The following ACIN1 variants were observed in gnomAD, a reference collection of about 807,000 sequenced individuals.
ACIN1 encodes apoptotic chromatin condensation inducer in the nucleus.
In ACIN1, 16 loss-of-function variants were observed where a neutral mutation model predicts 146.6. That is an observed-to-expected ratio of 0.11 (90% CI 0.07 to 0.17). The LOEUF is 0.17. ACIN1 is among the 10% of genes least tolerant of loss of function. The pLI is 1.00. For missense variants in ACIN1, 1,357 were observed against 1,609.3 expected (o/e 0.84, Z 2.68); for synonymous variants, 569 against 582.7 (o/e 0.98, Z 0.34).
intron 18 of ACIN1, among the ~76,000 whole-genome samples, chr14:23,060,232 G>A (rs540035429): frequency 4.6e-5 from 7 of 152,034 alleles, no homozygotes; most frequent in African/African-American, 1.7e-4. Context: ...GCCTCCCAAA[G>A]TGCTGGGATT....
chr14:23,079,572 C>CAA lies in ACIN1; in HGVS notation c.1762_1763insTT (p.Arg588LeufsTer12). ...TTTTCTGCTGTTGCTTGATGCTGAA[C>CAA]GAGAACGTGAACGTGACCTTGATCT... On this transcript the variant is annotated frameshift_variant, in exon 6 of 19. Transcript: ENST00000605057. LOFTEE classifies it high-confidence loss of function. 3 of 1,584,542 alleles carry CAA rather than the reference C, an allele frequency of 1.9e-6. No homozygotes were observed. Among genetic ancestry groups the CAA allele is most frequent in the African/African-American group, 1.7e-5 (1 of 59,876 alleles).
intron 4 of ACIN1, among the ~76,000 whole-genome samples, chr14:23,088,807 T>A (rs1377215613): frequency 6.6e-6 from 1 of 152,212 alleles, no homozygotes; most frequent in Non-Finnish European, 1.5e-5. Context: ...ATTTGCATTA[T>A]ACTTTCTGAT....
intron 8 of ACIN1, among the ~76,000 whole-genome samples, chr14:23,077,644 A>C (rs11851254): frequency 0.023 from 3,471 of 152,272 alleles, 143 homozygotes; most frequent in African/African-American, 0.078. Flanking sequence ...GGAACTTCAT[A>C]ATTTGCTGTA....
Position 23,080,490 on chromosome 14 carries a change from A to T in ACIN1, c.845T>A (p.Phe282Tyr). The T allele has an allele frequency of 6.2e-7, 1 of 1,613,480 alleles. No individual in the cohort carries two copies. The highest frequency in any genetic ancestry group is 8.5e-7 in the Non-Finnish European group (1 of 1,179,898). ...TCTAGCCTCTTCCTGGGATCTTGTAAATCTCCCTCCTCTCTCTAACACCTC... is the reference window on the plus strand; with the variant it reads ...TCTAGCCTCTTCCTGGGATCTTGTATATCTCCCTCCTCTCTCTAACACCTC... The part of the protein sequence containing the change: ...EQEVLERGGR[F>Y]TRSQEEARKS... Residue 282 changes from phenylalanine (F) to tyrosine (Y), a missense_variant, in exon 6 of 19, where the codon TTT (phenylalanine) becomes TAT (tyrosine). This residue lies in a region of ACIN1 where 771 missense variants were observed against 746.6 expected (regional missense o/e 1.03). Transcript: ENST00000605057.
intron 8 of ACIN1, chr14:23,071,390 A>G: frequency 1.3e-6 from 2 of 1,550,070 alleles, no homozygotes; most frequent in Admixed American, 2.0e-5. Flanking sequence ...AGGCTAAAAC[A>G]GATCTGGCTT....
intron 8 of ACIN1, among the ~76,000 whole-genome samples, chr14:23,070,494 C>T (rs545352219): frequency 6.6e-6 from 1 of 152,200 alleles, no homozygotes; most frequent in South Asian, 2.1e-4. Flanking sequence ...CCCAAGAACA[C>T]CAAACCCACT....
At chr14:23,092,216 C>CA in intron 2 of ACIN1, among the ~76,000 whole-genome samples, 1 of 151,462 alleles carries the variant, frequency 6.6e-6, no homozygotes, top group East Asian at 1.9e-4. Context: ...ACTGAAAAAG[C>CA]AAAAAAACCT....
intron 1 of ACIN1, among the ~76,000 whole-genome samples, chr14:23,094,023 CAAATTTATA>C (rs1211647907): frequency 6.3e-5 from 5 of 79,314 alleles, no homozygotes; most frequent in Middle Eastern, 7.5e-3. Context: ...CTAGATTTAT[CAAATTTATA>C]AAATTTTCAA....
chr14:23,075,128 G>T (rs1235689341), intron 8 of ACIN1, among the ~76,000 whole-genome samples: 1 of 152,018 alleles, frequency 6.6e-6, no homozygotes, highest in Non-Finnish European at 1.5e-5. Flanking sequence ...CCATCATATT[G>T]GCTTAAGGAA....
At chr14:23,088,525 G>T (rs903381911) in intron 4 of ACIN1, among the ~76,000 whole-genome samples, 3 of 152,146 alleles carry the variant, frequency 2.0e-5, no homozygotes, top group African/African-American at 7.2e-5. Context: ...TCCATGAAGA[G>T]TCTATCGCTG....
chr14:23,059,504 G>C, intron 18 of ACIN1, 30 bp from the exon 19 acceptor site: 1 of 1,579,908 alleles, frequency 6.3e-7, no homozygotes, highest in Non-Finnish European at 8.7e-7. Flanking sequence ...GCAGAGAATA[G>C]GCAGCTCAGT....
chr14:23,071,267 C>G, intron 8 of ACIN1: 2 of 1,506,282 alleles, frequency 1.3e-6, no homozygotes, highest in Non-Finnish European at 1.8e-6. Context: ...TTCCTTGTTC[C>G]AAGATCCCAC....
Position 23,079,745 on chromosome 14 carries a change from A to C in ACIN1, c.1590T>G (p.Ser530Arg), listed in dbSNP as rs1044735306. The C allele has an allele frequency of 6.2e-7, 1 of 1,614,056 alleles. No homozygotes were observed. Among genetic ancestry groups the C allele is most frequent in the African/African-American group, 1.3e-5 (1 of 74,912 alleles). Residue 530 changes from serine to arginine, a missense_variant, in exon 6 of 19, where the codon AGT (serine) becomes AGG (arginine). Physicochemically the swap from Ser to Arg is moderately radical, Grantham distance 110. Coordinates refer to ENST00000605057, the MANE Select transcript of ACIN1 (RefSeq NM_001386863.1). ...CAGGAGAGCGAGATCTTGATCTAGA[A>C]CTGGAGGAGGAAGATGAGGAGGACC... ...SSRSSSSSSS[S>R]SRSRSRSPDS...
At chr14:23,078,315 T>A (rs2047853106) in intron 7 of ACIN1, 49 bp from the exon 8 acceptor site, 2 of 1,557,212 alleles carry the variant, frequency 1.3e-6, no homozygotes, top group Non-Finnish European at 1.8e-6. Context: ...TAGATCTGCT[T>A]GGTTCCTTTT....
upstream of ACIN1, chr14:23,095,559 C>T (rs1283230502): frequency 6.4e-6 from 3 of 465,990 alleles, no homozygotes; most frequent in African/African-American, 3.9e-5. Context: ...GAAGCTGCCG[C>T]AGTAGTTGGA....
intron 10 of ACIN1, among the ~76,000 whole-genome samples, 155 bp downstream of exon 10, chr14:23,065,811 C>T (rs1364272479): frequency 6.6e-6 from 1 of 152,084 alleles, no homozygotes; most frequent in Non-Finnish European, 1.5e-5. Flanking sequence ...CAAAATGAAA[C>T]CCTACATAGG....
intron 4 of ACIN1, 34 bp from the exon 5 acceptor site, chr14:23,081,870 GA>G: frequency 6.4e-7 from 1 of 1,551,590 alleles, no homozygotes; most frequent in South Asian, 1.1e-5. Flanking sequence ...TCAGATTCAT[GA>G]AGTGAAGACT....
chr14:23,069,431 G>A lies in ACIN1; in HGVS notation c.2265+45C>T, dbSNP rs771895747. 4.4e-6 allele frequency: 7 copies of A among 1,597,228 alleles called. No individual in the cohort carries two copies. The African/African-American group carries it at 8.0e-5, about 18-fold the overall frequency. On this transcript the variant is annotated intron_variant, in intron 9 of 18. Coordinates refer to ENST00000605057, the MANE Select transcript of ACIN1 (RefSeq NM_001386863.1). ...TAGAGTGCTCTACTCTTTCCCCTAG[G>A]TCCATTCCTGCCCACCCGCCCCAAT...
chr14:23,080,031 T>G lies in ACIN1; in HGVS notation c.1304A>C (p.Glu435Ala). ...CAGGACACTCTCCTCTGGCACTTTC[T>G]CTGCTGGAGATTCTGCTTTGGTGTC... ...PSDTKAESPA[E>A]KVPEESVLPL... The change falls in exon 6 of 19, where the codon GAG (glutamate) becomes GCG (alanine). Residue 435 changes from glutamate (E) to alanine (A), a missense_variant. By Grantham distance (107) the Glu-to-Ala change is moderately radical (BLOSUM62 -1). Transcript: ENST00000605057. 6.2e-7 allele frequency: 1 copy of G among 1,614,180 alleles called. No homozygotes were observed. The highest frequency in any genetic ancestry group is 8.5e-7 in the Non-Finnish European group (1 of 1,180,040).
Sources: allele counts gnomAD v4.1 joint callset (sites outside exome capture counted in the v4.1 genomes callset), GRCh38; gene constraint gnomAD v4.1.1; regional missense constraint gnomAD v4.1.1; transcripts MANE v1.5; gene names NCBI Gene and HGNC (gene_info 2026-07-23, HGNC 2026-07-21).